The following NINJ2 variants were observed in gnomAD, a reference collection of about 807,000 sequenced individuals.
NINJ2 encodes the protein ninjurin-2.
A neutral mutation model predicts 11.7 loss-of-function variants in NINJ2; 12 were observed. The observed-to-expected ratio is 1.02, with a 90% CI of 0.66 to 1.66. The LOEUF is 1.66. Among genes scored for constraint, NINJ2 ranks in the 40% most tolerant of loss-of-function variants. NINJ2 has a pLI of 0.00. For synonymous variants in NINJ2, 93 were observed against 76.8 expected, an observed-to-expected ratio of 1.21 and a Z score of -1.10; for missense variants, 187 against 181.8, an observed-to-expected ratio of 1.03 and a Z score of -0.16.
intron 1 of NINJ2, among the ~76,000 whole-genome samples, chr12:576,945 C>T (rs1302437586): frequency 6.6e-6 from 1 of 152,302 alleles, no homozygotes; most frequent in East Asian, 1.9e-4. Context: ...CCCCAAAGCC[C>T]TCCCAGCCGA....
At chr12:570,635 T>C (rs1459183016) in intron 1 of NINJ2, among the ~76,000 whole-genome samples, 1 of 152,146 alleles carries the variant, frequency 6.6e-6, no homozygotes, top group African/African-American at 2.4e-5. Context: ...TCATTCCCGT[T>C]TCGCCGGACT....
At position 587,752 on chromosome 12, in the gene NINJ2, C is replaced by A. The variant is rs746000302; in HGVS notation, c.34-21574G>T. Among the ~76,000 whole-genome samples the A allele has an allele frequency of 1.2e-3, 187 of 152,328 alleles. 3 individuals are homozygous for A. The highest frequency in any genetic ancestry group is 5.3e-4 in the Non-Finnish European group (36 of 68,028). Reference sequence around the variant, plus strand: ...AGGCAGGTCACCAGGATCTGTAGAGCAGATTGAACACCCCATCCCCCGTGT... The same window carrying A: ...AGGCAGGTCACCAGGATCTGTAGAGAAGATTGAACACCCCATCCCCCGTGT... On this transcript the variant is annotated intron_variant, in intron 1 of 3. Transcript: ENST00000305108.
rs186768251 is a variant in NINJ2, at chr12:611,042, C to A, written c.34-44864G>T. On this transcript the variant is annotated intron_variant, in intron 1 of 3. Transcript: ENST00000305108. ...AAGCCACGGCACCTAGGCTGGACATCTATTCTTTAAAGAACTCTGTGTTAC... is the reference window on the plus strand; with the variant it reads ...AAGCCACGGCACCTAGGCTGGACATATATTCTTTAAAGAACTCTGTGTTAC... Among the ~76,000 whole-genome samples the A allele has an allele frequency of 1.2e-3, 187 of 152,270 alleles. 2 individuals carry two copies. The highest frequency in any genetic ancestry group is 4.3e-3 in the African/African-American group (177 of 41,554).
intron 1 of NINJ2, among the ~76,000 whole-genome samples, chr12:657,582 C>T (rs759476894): frequency 1.3e-5 from 2 of 152,060 alleles, no homozygotes; most frequent in African/African-American, 4.8e-5. Context: ...GAGCGAGACT[C>T]CTTCTCAAAA....
At position 564,605 on chromosome 12, in the gene NINJ2, GC is replaced by G. The variant is rs1226319199; in HGVS notation, c.*94del. On this transcript the variant is annotated 3_prime_UTR_variant, in exon 4 of 4. Coordinates refer to ENST00000305108, the MANE Select transcript of NINJ2 (RefSeq NM_016533.6). Reference sequence around the variant, plus strand: ...GGGCAGCTATACTGTCCTTTCAGAAGCTCTCCTGGGCTGTGGAAAGTGCCCA... The same window carrying G: ...GGGCAGCTATACTGTCCTTTCAGAAGTCTCCTGGGCTGTGGAAAGTGCCCA... 1 of 152,280 alleles carries G rather than the reference GC, an allele frequency of 6.6e-6. No individual in the cohort carries two copies. The highest frequency in any genetic ancestry group is 1.5e-5 in the Non-Finnish European group (1 of 68,068). 9.4% of individuals were successfully genotyped at this position (152,280 alleles called of 1,614,324 possible).
intron 1 of NINJ2, among the ~76,000 whole-genome samples, chr12:574,770 C>T (rs573092368): frequency 7.7e-4 from 117 of 152,374 alleles, no homozygotes; most frequent in Non-Finnish European, 1.4e-3. Flanking sequence ...CAGACCAAGA[C>T]ATACCCCCAG....
chr12:650,655 C>T (rs1352981578), intron 1 of NINJ2, among the ~76,000 whole-genome samples: 2 of 152,164 alleles, frequency 1.3e-5, no homozygotes, highest in East Asian at 1.9e-4. Flanking sequence ...GCCGAGTTCG[C>T]GCCACTGCAC....
chr12:571,358 G>T (rs1263875139), intron 1 of NINJ2, among the ~76,000 whole-genome samples: 3 of 152,220 alleles, frequency 2.0e-5, no homozygotes, highest in Admixed American at 1.3e-4. Context: ...TGAGGCAGGG[G>T]GGTGGGGGAC....
At chr12:651,305 G>T (rs1282785229) in intron 1 of NINJ2, among the ~76,000 whole-genome samples, 1 of 152,162 alleles carries the variant, frequency 6.6e-6, no homozygotes, top group Non-Finnish European at 1.5e-5. Flanking sequence ...ACTTTGCTGG[G>T]GTTTTATTAG....
At chr12:592,608 G>C (rs976244885) in intron 1 of NINJ2, among the ~76,000 whole-genome samples, 2 of 152,206 alleles carry the variant, frequency 1.3e-5, no homozygotes, top group African/African-American at 4.8e-5. Context: ...GCTGAGGCAG[G>C]AGAATCGCTT....
intron 1 of NINJ2, among the ~76,000 whole-genome samples, chr12:662,823 T>G (rs1306844793): frequency 6.6e-6 from 1 of 152,198 alleles, no homozygotes; most frequent in Non-Finnish European, 1.5e-5. Context: ...CCTTGCACTG[T>G]CCAAATGAGA....
rs1947628957 is a variant in NINJ2 at position 585,773 on chromosome 12, G to C, written c.34-19595C>G. On this transcript the variant is annotated intron_variant, in intron 1 of 3. Coordinates refer to ENST00000305108, the MANE Select transcript of NINJ2 (RefSeq NM_016533.6). The surrounding 1 kb of genome is among the most constrained non-coding windows in gnomAD (Gnocchi z 4.1). ...GTCAGAGTACAGAGGGCATGGCTTA[G>C]AAAGGAATAGCTCAGACGGAGTTTG... is the stretch of plus-strand genomic sequence containing the variant. 1 of 152,262 alleles carries C rather than the reference G, an allele frequency of 6.6e-6. No individual in the cohort carries two copies. The highest frequency in any genetic ancestry group is 1.5e-5 in the Non-Finnish European group (1 of 68,064). The allele number at this position is 152,262 out of a possible 1,614,324, so 9.4% of individuals were successfully genotyped here.
chr12:655,629 G>C (rs560436128), intron 1 of NINJ2, among the ~76,000 whole-genome samples: 2 of 152,150 alleles, frequency 1.3e-5, no homozygotes, highest in East Asian at 1.9e-4. Context: ...AATAAATGAA[G>C]GGGACAAGCG....
chr12:617,090 C>T (rs952544503), intron 1 of NINJ2, among the ~76,000 whole-genome samples: 5 of 152,162 alleles, frequency 3.3e-5, no homozygotes. Flanking sequence ...CCTGTAATCC[C>T]TGCTACTCGG....
Position 580,354 on chromosome 12 carries a change from G to A in NINJ2, c.34-14176C>T, listed in dbSNP as rs1395136220. ...TGTAATCCCAGCACTTTGGGAGGCC[G>A]AGGCAGGTGGATCACTTGAGGTCAG... On this transcript the variant is annotated intron_variant, in intron 1 of 3. Transcript: ENST00000305108. The surrounding 1 kb of genome is among the most constrained non-coding windows in gnomAD (Gnocchi z 4.7). Among the ~76,000 whole-genome samples, 3 of 152,148 alleles carry A rather than the reference G, an allele frequency of 2.0e-5. No individual in the cohort carries two copies. The highest frequency in any genetic ancestry group is 2.9e-5 in the Non-Finnish European group (2 of 68,018).
At chr12:642,032 G>T (rs895383617) in intron 1 of NINJ2, among the ~76,000 whole-genome samples, 1 of 152,182 alleles carries the variant, frequency 6.6e-6, no homozygotes, top group Admixed American at 6.5e-5. Flanking sequence ...CGTGGAAGGC[G>T]GGAAAGGGCC....
chr12:601,857 G>T (rs771558946), intron 1 of NINJ2, among the ~76,000 whole-genome samples: 2 of 152,196 alleles, frequency 1.3e-5, no homozygotes, highest in Non-Finnish European at 2.9e-5. Context: ...CAGCCTGAGC[G>T]ATAGAGTGCG....
rs150368452 is a variant in NINJ2, at chr12:637,508, G to A, written c.33+25820C>T. Reference sequence around the variant, plus strand: ...ATACAAAAATTAGCTGGGCATGGTGGCAGGCACCTGAAATCCCAGCTACTC... The same window carrying A: ...ATACAAAAATTAGCTGGGCATGGTGACAGGCACCTGAAATCCCAGCTACTC... On this transcript the variant is annotated intron_variant, in intron 1 of 3. Transcript: ENST00000305108. Among the ~76,000 whole-genome samples the A allele has an allele frequency of 6.0e-3, 912 of 151,528 alleles. 11 individuals are homozygous for A. The highest frequency in any genetic ancestry group is 0.021 in the African/African-American group (850 of 41,232).
At chr12:571,920 C>G (rs1292164859) in intron 1 of NINJ2, among the ~76,000 whole-genome samples, 1 of 152,174 alleles carries the variant, frequency 6.6e-6, no homozygotes, top group Middle Eastern at 3.2e-3. Context: ...CCATGGAGCC[C>G]GCAGATCAGT....
Sources: allele counts gnomAD v4.1 joint callset (sites outside exome capture counted in the v4.1 genomes callset), GRCh38; gene constraint gnomAD v4.1.1; non-coding constraint Gnocchi (gnomAD v3.1); transcripts MANE v1.5; gene names NCBI Gene and HGNC (gene_info 2026-07-23, HGNC 2026-07-21).